ADAMTSL1: variants seen among roughly 807,000 people sequenced by gnomAD.
The protein encoded by ADAMTSL1 is ADAMTS-like protein 1.
In ADAMTSL1, 126 loss-of-function variants were observed where a neutral mutation model predicts 201.8. The ratio of observed to expected loss-of-function variants is 0.62; its 90% CI spans 0.54 to 0.72. The LOEUF (loss-of-function observed/expected upper bound fraction) is 0.72, where lower values mean the gene tolerates loss of function less well. Ranked by LOEUF, ADAMTSL1 falls within the 30% of genes least tolerant of loss-of-function variation. The pLI, the probability that ADAMTSL1 is intolerant of heterozygous loss-of-function variation, is 0.00. For missense variants in ADAMTSL1, 2,679 were observed against 2,277.8 expected, an observed-to-expected ratio of 1.18 and a Z score of -3.59; for synonymous variants, 1,121 against 903.4, an observed-to-expected ratio of 1.24 and a Z score of -4.32.
chr9:18,065,757 G>C (rs1466400542), intron 1 of ADAMTSL1, among the ~76,000 whole-genome samples: 1 of 152,034 alleles, frequency 6.6e-6, no homozygotes, highest in Non-Finnish European at 1.5e-5. Flanking sequence ...GAGGCGGGTG[G>C]ATCACCTGAA....
intron 2 of ADAMTSL1, among the ~76,000 whole-genome samples, chr9:18,306,040 C>T (rs913161639): frequency 6.6e-6 from 1 of 152,150 alleles, no homozygotes; most frequent in Non-Finnish European, 1.5e-5. Context: ...TGTTCTGTAG[C>T]CTCCACTGGT....
intron 1 of ADAMTSL1, among the ~76,000 whole-genome samples, chr9:17,963,587 G>C (rs1039097307): frequency 1.3e-5 from 2 of 152,162 alleles, no homozygotes; most frequent in African/African-American, 4.8e-5. Flanking sequence ...ACATCTGCAT[G>C]TTGTTGATTC....
At chr9:18,660,840 AT>A (rs1409513185) in intron 8 of ADAMTSL1, among the ~76,000 whole-genome samples, 4 of 152,148 alleles carry the variant, frequency 2.6e-5, no homozygotes, top group African/African-American at 9.7e-5. Context: ...TGAACAATTA[AT>A]TTCTGTGGGT....
chr9:18,905,432 C>T, intron 26 of ADAMTSL1: 1 of 226,772 alleles, frequency 4.4e-6, no homozygotes, highest in Non-Finnish European at 8.8e-6. Flanking sequence ...AGGGGTGGAG[C>T]TATTTAAGGG....
intron 2 of ADAMTSL1, among the ~76,000 whole-genome samples, chr9:18,332,185 C>G (rs1363209897): frequency 6.6e-6 from 1 of 152,148 alleles, no homozygotes; most frequent in Non-Finnish European, 1.5e-5. Flanking sequence ...CCTCACTGTA[C>G]TTTTATACTC....
chr9:18,334,533 T>C (rs78842043), intron 2 of ADAMTSL1, among the ~76,000 whole-genome samples: 3,781 of 152,320 alleles, frequency 0.025, 148 homozygotes, highest in African/African-American at 0.086. Flanking sequence ...ATTGTAAATT[T>C]AAAACTCTTA....
intron 2 of ADAMTSL1, among the ~76,000 whole-genome samples, chr9:18,308,788 A>G (rs987727446): frequency 5.9e-5 from 9 of 152,224 alleles, no homozygotes; most frequent in South Asian, 2.1e-4. Flanking sequence ...TTCTTCTGAA[A>G]CTATTCCAAA....
intron 2 of ADAMTSL1, among the ~76,000 whole-genome samples, chr9:18,169,264 A>T (rs1309982814): frequency 2.6e-5 from 4 of 151,178 alleles, no homozygotes; most frequent in Non-Finnish European, 3.0e-5. Flanking sequence ...TTTAGGTCTA[A>T]CATTTAAGTC....
chr9:18,905,973 C>T (rs1272462558), intron 27 of ADAMTSL1, 82 bp downstream of exon 27: 31 of 1,253,292 alleles, frequency 2.5e-5, no homozygotes, highest in Non-Finnish European at 3.1e-5. Flanking sequence ...GTTTCTCCTC[C>T]AACTAACTTA....
At chr9:18,069,746 G>C (rs75789505) in intron 1 of ADAMTSL1, among the ~76,000 whole-genome samples, 3,169 of 152,290 alleles carry the variant, frequency 0.021, 118 homozygotes, top group African/African-American at 0.072. Context: ...GTGAGGTTAT[G>C]ATAGAATGAA....
intron 1 of ADAMTSL1, among the ~76,000 whole-genome samples, chr9:18,132,176 A>G (rs1373797097): frequency 6.6e-6 from 1 of 152,082 alleles, no homozygotes; most frequent in Non-Finnish European, 1.5e-5. Flanking sequence ...CTGTTTTCCA[A>G]AAGTGCTGTC....
intron 1 of ADAMTSL1, among the ~76,000 whole-genome samples, chr9:18,475,349 A>T (rs867407789): frequency 6.6e-6 from 1 of 152,304 alleles, no homozygotes. Flanking sequence ...GACAAATCTG[A>T]TCTGCGCTAT....
At chr9:18,682,227 C>T (rs1012698183) in intron 12 of ADAMTSL1, among the ~76,000 whole-genome samples, 3 of 152,132 alleles carry the variant, frequency 2.0e-5, no homozygotes, top group Non-Finnish European at 4.4e-5. Flanking sequence ...CTGAAGAATA[C>T]GGATGTACCT....
chr9:18,870,769 T>C (rs1326669027), intron 23 of ADAMTSL1, among the ~76,000 whole-genome samples: 2 of 152,208 alleles, frequency 1.3e-5, no homozygotes, highest in African/African-American at 4.8e-5. Context: ...AATTCTTCAA[T>C]GTTTTCAAGT....
intron 2 of ADAMTSL1, among the ~76,000 whole-genome samples, chr9:18,394,934 G>C (rs1020664036): frequency 1.3e-5 from 2 of 152,204 alleles, no homozygotes; most frequent in African/African-American, 4.8e-5. Flanking sequence ...GTGGAGATGT[G>C]TCTGTTGACT....
chr9:18,041,179 C>A (rs1303662349), intron 1 of ADAMTSL1, among the ~76,000 whole-genome samples: 1 of 152,146 alleles, frequency 6.6e-6, no homozygotes, highest in African/African-American at 2.4e-5. Context: ...CATGTAGCTA[C>A]AGAAAGTACC....
chr9:18,413,146 ATTTTTT>A (rs11367468), intron 2 of ADAMTSL1, among the ~76,000 whole-genome samples: 1 of 132,454 alleles, frequency 7.5e-6, no homozygotes. Context: ...TCTAAGGATA[ATTTTTT>A]TTTTTTTTTT....
chr9:18,705,811 A>G (rs1832195747), intron 13 of ADAMTSL1, among the ~76,000 whole-genome samples: 1 of 152,176 alleles, frequency 6.6e-6, no homozygotes, highest in Non-Finnish European at 1.5e-5. Context: ...AAAGAAACAA[A>G]CTTCCTTAAA....
At chr9:18,555,363 C>T (rs1187646852) in intron 3 of ADAMTSL1, among the ~76,000 whole-genome samples, 2 of 151,844 alleles carry the variant, frequency 1.3e-5, no homozygotes, top group African/African-American at 4.8e-5. Context: ...TCCTTGCCAG[C>T]CCAGCTGTGT....
Sources: allele counts gnomAD v4.1 joint callset (sites outside exome capture counted in the v4.1 genomes callset), GRCh38; gene constraint gnomAD v4.1.1; transcripts MANE v1.5; gene names NCBI Gene and HGNC (gene_info 2026-07-23, HGNC 2026-07-21).